The following CDH6 variants were observed in gnomAD, a reference collection of about 807,000 sequenced individuals.
The protein encoded by CDH6 is cadherin 6, also known as cadherin-6.
Under a neutral mutation model 78.0 loss-of-function variants are expected in CDH6, and 31 were observed. That is an observed-to-expected ratio of 0.40 (90% confidence interval 0.30 to 0.54). CDH6 has a LOEUF of 0.54. Among genes scored for constraint, CDH6 ranks in the 20% least tolerant of loss-of-function variants. CDH6 has a pLI of 0.56. For missense variants in CDH6, 724 were observed against 975.9 expected (o/e 0.74, Z 3.44); for synonymous variants, 376 against 368.8 (o/e 1.02, Z -0.23).
chr5:31,263,329 G>T (rs1742260842), intron 1 of CDH6, among the ~76,000 whole-genome samples: 1 of 147,936 alleles, frequency 6.8e-6, no homozygotes, highest in South Asian at 2.1e-4. Flanking sequence ...CATGATCTCT[G>T]CTCACTGCAA....
At chr5:31,217,491 A>G (rs1740900422) in intron 1 of CDH6, among the ~76,000 whole-genome samples, 1 of 152,158 alleles carries the variant, frequency 6.6e-6, no homozygotes, top group African/African-American at 2.4e-5. Flanking sequence ...CTGGACCTAT[A>G]TTATTTCAAA....
At chr5:31,302,439 C>A in intron 6 of CDH6, 141 bp downstream of exon 6, 1 of 683,162 alleles carries the variant, frequency 1.5e-6, no homozygotes, top group Non-Finnish European at 2.3e-6. Flanking sequence ...AATGCCAGTT[C>A]TGGCCGGGCA....
intron 1 of CDH6, among the ~76,000 whole-genome samples, chr5:31,234,778 T>A (rs1741405788): frequency 1.3e-5 from 2 of 152,218 alleles, no homozygotes; most frequent in African/African-American, 4.8e-5. Context: ...TACATAAACA[T>A]ATACATACAT....
chr5:31,304,682 T>TC (rs985094392), intron 6 of CDH6, among the ~76,000 whole-genome samples: 5 of 31,810 alleles, frequency 1.6e-4, no homozygotes, highest in Non-Finnish European at 3.6e-4. Context: ...AGACTCCGTC[T>TC]CAAAAAAAAA....
intron 4 of CDH6, among the ~76,000 whole-genome samples, chr5:31,298,164 C>T (rs1267594411): frequency 6.6e-6 from 1 of 152,162 alleles, no homozygotes; most frequent in African/African-American, 2.4e-5. Flanking sequence ...AAGTAGCAAC[C>T]TATCTTATAA....
chr5:31,204,318 C>A (rs2111783489), intron 1 of CDH6, among the ~76,000 whole-genome samples: 1 of 152,208 alleles, frequency 6.6e-6, no homozygotes, highest in East Asian at 1.9e-4. Context: ...GAAGAGATGA[C>A]CTCAGTACAT....
intron 8 of CDH6, 143 bp downstream of exon 8, chr5:31,313,597 T>A: frequency 1.4e-6 from 1 of 701,190 alleles, no homozygotes; most frequent in Non-Finnish European, 2.3e-6. Context: ...TGGTTTGCAG[T>A]AATGTTTCTT....
intron 2 of CDH6, 133 bp from the exon 3 acceptor site, chr5:31,293,829 G>GT: frequency 4.0e-6 from 2 of 501,590 alleles, no homozygotes; most frequent in Non-Finnish European, 6.8e-6. Flanking sequence ...TACGTAAATA[G>GT]TAAAAAAAAA....
At chr5:31,249,044 A>G (rs1466480663) in intron 1 of CDH6, among the ~76,000 whole-genome samples, 1 of 152,188 alleles carries the variant, frequency 6.6e-6, no homozygotes. Context: ...TAATGATGTG[A>G]GGTTATGCAT....
At chr5:31,257,725 C>T (rs149470860) in intron 1 of CDH6, among the ~76,000 whole-genome samples, 27 of 152,036 alleles carry the variant, frequency 1.8e-4, no homozygotes, top group African/African-American at 6.5e-4. Flanking sequence ...TCAGCTACCC[C>T]CTCCCACTAA....
intron 8 of CDH6, among the ~76,000 whole-genome samples, chr5:31,314,081 C>T (rs1738234584): frequency 6.6e-6 from 1 of 152,090 alleles, no homozygotes; most frequent in Admixed American, 6.5e-5. Context: ...AATGATTACA[C>T]ACAATGAAAA....
intron 1 of CDH6, among the ~76,000 whole-genome samples, chr5:31,197,491 G>A (rs1292458007): frequency 6.6e-6 from 1 of 152,174 alleles, no homozygotes; most frequent in East Asian, 1.9e-4. Context: ...TTTCAACCTA[G>A]TCAGTGTCTA....
chr5:31,240,768 C>T (rs746899176), intron 1 of CDH6, among the ~76,000 whole-genome samples: 9 of 152,262 alleles, frequency 5.9e-5, no homozygotes, highest in Admixed American at 2.6e-4. Flanking sequence ...AGAAAATGGG[C>T]GTGTCATGAT....
chr5:31,211,966 G>C (rs1297913990), intron 1 of CDH6, among the ~76,000 whole-genome samples: 1 of 152,160 alleles, frequency 6.6e-6, no homozygotes, highest in Non-Finnish European at 1.5e-5. Flanking sequence ...TAGGAGACTA[G>C]CTGTATGTGT....
chr5:31,239,665 C>T (rs1741544256), intron 1 of CDH6, among the ~76,000 whole-genome samples: 1 of 152,208 alleles, frequency 6.6e-6, no homozygotes, highest in Non-Finnish European at 1.5e-5. Context: ...GCCAGCAGTG[C>T]TTCTCTTATC....
chr5:31,244,671 G>A (rs1457818795), intron 1 of CDH6, among the ~76,000 whole-genome samples: 1 of 152,134 alleles, frequency 6.6e-6, no homozygotes, highest in Non-Finnish European at 1.5e-5. Flanking sequence ...GGCCACTTGG[G>A]AAAGAACTGT....
intron 1 of CDH6, among the ~76,000 whole-genome samples, chr5:31,261,912 A>G (rs1338974015): frequency 1.3e-5 from 2 of 152,196 alleles, no homozygotes; most frequent in African/African-American, 4.8e-5. Flanking sequence ...GAAGCAATTC[A>G]ATCAATAAAA....
In CDH6 at chr5:31,316,347, G is replaced by T. The variant is rs188617650; in HGVS notation, c.1512+18G>T. Reference sequence around the variant, plus strand: ...CAGATCAGGTGAGTTTCATTAAAAAGTATATTCAAGTTGAACATCAGATTA... The same window carrying T: ...CAGATCAGGTGAGTTTCATTAAAAATTATATTCAAGTTGAACATCAGATTA... On this transcript the variant is annotated intron_variant, in intron 9 of 11. Transcript: ENST00000265071. 1.3e-6 allele frequency: 2 copies of T among 1,599,020 alleles called. No homozygotes were observed. The highest frequency in any genetic ancestry group is 3.5e-5 in the Admixed American group (2 of 57,146).
rs111824780 is a variant in CDH6, at chr5:31,217,852, C to A, written c.-129+23966C>A. 1.9e-4 allele frequency among the ~76,000 whole-genome samples: 29 copies of A among 152,144 alleles called. No individual in the cohort carries two copies. The South Asian group carries it at 5.8e-3, about 31-fold the overall frequency. On this transcript the variant is annotated intron_variant, in intron 1 of 11. Transcript: ENST00000265071. Reference sequence around the variant, plus strand: ...GGATTTAAGGCATGGCTTCCTGTTTCGTTTAAGCTATATTTAGCTTAAATA... The same window carrying A: ...GGATTTAAGGCATGGCTTCCTGTTTAGTTTAAGCTATATTTAGCTTAAATA...
Sources: gnomAD v4.1 joint callset for allele counts (sites outside exome capture counted in the v4.1 genomes callset) on GRCh38, gnomAD v4.1.1 for gene constraint, MANE v1.5 for transcripts, NCBI Gene and HGNC (gene_info 2026-07-23, HGNC 2026-07-21) for gene names.